VPS53: variants seen among roughly 807,000 people sequenced by gnomAD.
VPS53 encodes the protein vacuolar protein sorting-associated protein 53 homolog.
A neutral mutation model predicts 107.0 loss-of-function variants in VPS53; 70 were observed. The observed-to-expected ratio is 0.65, with a 90% confidence interval of 0.54 to 0.80. The LOEUF (loss-of-function observed/expected upper bound fraction) is 0.80. VPS53 is among the 30% of genes least tolerant of loss of function. The probability of loss-of-function intolerance (pLI) is 0.00; values close to 1 mark genes in which losing one functional copy is unlikely to be tolerated. For missense variants in VPS53, 917 were observed against 1,049.4 expected (o/e 0.87, Z 1.74); for synonymous variants, 409 against 393.3 (o/e 1.04, Z -0.47).
intron 11 of VPS53, among the ~76,000 whole-genome samples, chr17:623,065 C>A (rs1217494767): frequency 6.6e-6 from 1 of 152,096 alleles, no homozygotes; most frequent in African/African-American, 2.4e-5. Context: ...ACCGGCAGTA[C>A]TATGTTCCAC....
At chr17:635,882 C>T (rs2143235953) in intron 7 of VPS53, among the ~76,000 whole-genome samples, 1 of 152,160 alleles carries the variant, frequency 6.6e-6, no homozygotes, top group African/African-American at 2.4e-5. Context: ...CAATGCGGGA[C>T]CTTTTTTGGT....
At chr17:609,880 A>G (rs1483848332) in intron 11 of VPS53, among the ~76,000 whole-genome samples, 1 of 152,148 alleles carries the variant, frequency 6.6e-6, no homozygotes, top group Non-Finnish European at 1.5e-5. Flanking sequence ...CTGTAATCCC[A>G]GCACTTTGGG....
intron 7 of VPS53, among the ~76,000 whole-genome samples, chr17:633,112 G>C (rs1970029681): frequency 1.3e-5 from 2 of 152,182 alleles, no homozygotes; most frequent in Admixed American, 6.5e-5. Context: ...TGAATGCAAG[G>C]GCAGAAAGGA....
chr17:573,564 T>C (rs1914357339), intron 13 of VPS53, among the ~76,000 whole-genome samples: 1 of 152,112 alleles, frequency 6.6e-6, no homozygotes, highest in African/African-American at 2.4e-5. Context: ...ATAGGAGTCC[T>C]GAAAAAGATG....
Position 562,672 on chromosome 17 carries a change from C to A in VPS53, c.1387G>T (p.Glu463Ter). ...CAGCTGGGGAGCACGGCACCCCCTT[C>A]ATCAGTGTTGGGCTTAGGTGGCCCC... is the stretch of plus-strand genomic sequence containing the variant. ...AQGPPKPNTDEGGAVLPSCAD... is the reference protein window; with the variant it reads ...AQGPPKPNTD Residue 463 changes from glutamate (E) to a stop codon, truncating the protein, a stop_gained, in exon 14 of 22, where the codon GAA becomes TAA. Coordinates refer to ENST00000437048, the MANE Select transcript of VPS53 (RefSeq NM_001128159.3). LOFTEE classifies it high-confidence loss of function. The A allele has an allele frequency of 6.2e-7, 1 of 1,613,862 alleles. No individual in the cohort carries two copies. Among genetic ancestry groups the A allele is most frequent in the Non-Finnish European group, 8.5e-7 (1 of 1,179,994 alleles).
At chr17:551,249 T>C (rs568639716) in intron 17 of VPS53, among the ~76,000 whole-genome samples, 1 of 151,988 alleles carries the variant, frequency 6.6e-6, no homozygotes, top group Non-Finnish European at 1.5e-5. Flanking sequence ...GAGAGGAACA[T>C]GAGGTAGCGC....
chr17:553,574 C>CTT (rs35437010), intron 15 of VPS53, 112 bp from the exon 16 acceptor site: 4,159 of 547,876 alleles, frequency 7.6e-3, no homozygotes, highest in East Asian at 9.7e-3. Flanking sequence ...ATTCCATACA[C>CTT]TTTTTTTTTT....
chr17:510,470 C>T lies in VPS53; in HGVS notation c.*8658G>A. Reference sequence around the variant, plus strand: ...AGTCCCATATGAAATCCTGGCTGACCCCTTACTAGTCACATATTGAATCCT... The same window carrying T: ...AGTCCCATATGAAATCCTGGCTGACTCCTTACTAGTCACATATTGAATCCT... On this transcript the variant is annotated 3_prime_UTR_variant, in exon 22 of 22. Coordinates refer to ENST00000437048, the MANE Select transcript of VPS53 (RefSeq NM_001128159.3). 5.9e-6 allele frequency: 1 copy of T among 170,140 alleles called. No homozygotes were observed. Among genetic ancestry groups the T allele is most frequent in the Non-Finnish European group, 1.3e-5 (1 of 78,296 alleles). The allele number at this position is 170,140 out of a possible 1,614,324, so 10.5% of individuals were successfully genotyped here. A position where few individuals can be genotyped will look rare whatever the true frequency, so the allele number is the denominator to read the frequency against.
At chr17:642,818 G>C (rs200742586) in intron 7 of VPS53, among the ~76,000 whole-genome samples, 38 of 125,454 alleles carry the variant, frequency 3.0e-4, no homozygotes, top group African/African-American at 6.9e-4. Flanking sequence ...TACTTGGAAA[G>C]CGAGGACAAC....
chr17:566,700 A>G (rs1913546766), intron 13 of VPS53, among the ~76,000 whole-genome samples: 1 of 151,546 alleles, frequency 6.6e-6, no homozygotes, highest in African/African-American at 2.4e-5. Flanking sequence ...CAAATCAGGG[A>G]CCAGAGCTCT....
At chr17:702,891 T>C (rs1323515688) in intron 2 of VPS53, among the ~76,000 whole-genome samples, 2 of 151,804 alleles carry the variant, frequency 1.3e-5, no homozygotes, top group Non-Finnish European at 2.9e-5. Flanking sequence ...TTTTCTCCTC[T>C]TCAACGTTAA....
At chr17:629,720 A>G (rs938542642) in intron 8 of VPS53, among the ~76,000 whole-genome samples, 6 of 151,742 alleles carry the variant, frequency 4.0e-5, no homozygotes, top group Middle Eastern at 6.8e-3. Context: ...CCGAGATCGC[A>G]CCACGACACT....
intron 2 of VPS53, among the ~76,000 whole-genome samples, chr17:705,178 G>A (rs1000427397): frequency 1.3e-5 from 2 of 152,052 alleles, no homozygotes; most frequent in Admixed American, 6.6e-5. Context: ...GCCCACTCCA[G>A]CCCTACCTGC....
intron 2 of VPS53, among the ~76,000 whole-genome samples, chr17:701,723 T>C (rs916844429): frequency 3.3e-5 from 5 of 151,994 alleles, no homozygotes; most frequent in South Asian, 2.1e-4. Context: ...AGTATTTTTA[T>C]AATATCAAAT....
intron 11 of VPS53, among the ~76,000 whole-genome samples, chr17:613,583 A>G (rs1331847173): frequency 5.8e-4 from 87 of 149,112 alleles, no homozygotes; most frequent in Non-Finnish European, 8.3e-4. Context: ...CAAATAGTGA[A>G]TTCACACAGT....
Position 518,960 on chromosome 17 carries a change from G to T in VPS53, c.*168C>A. 1.4e-6 allele frequency: 1 copy of T among 709,236 alleles called. No individual in the cohort carries two copies. The highest frequency in any genetic ancestry group is 2.4e-5 in the South Asian group (1 of 41,248). 43.9% of individuals were successfully genotyped at this position (709,236 alleles called of 1,614,324 possible). A position where few individuals can be genotyped will look rare whatever the true frequency, so the allele number is the denominator to read the frequency against. ...GCCCTTACTCAGCGTCTCCGATTAG[G>T]GCAGGAAGTAAGACAGGGCATGGGA... On this transcript the variant is annotated 3_prime_UTR_variant, in exon 22 of 22. Coordinates refer to ENST00000437048, the MANE Select transcript of VPS53 (RefSeq NM_001128159.3).
intron 5 of VPS53, chr17:656,901 C>A: frequency 6.6e-7 from 1 of 1,508,542 alleles, no homozygotes; most frequent in Non-Finnish European, 9.2e-7. Flanking sequence ...TTGCCCTTGC[C>A]AATAGTGAAA....
intron 4 of VPS53, among the ~76,000 whole-genome samples, chr17:688,667 C>T (rs1451012745): frequency 6.6e-6 from 1 of 152,174 alleles, no homozygotes; most frequent in Non-Finnish European, 1.5e-5. Context: ...ACCAGTAGCA[C>T]TCTAGAAGCA....
At chr17:593,283 GGC>G (rs1967771564) in intron 12 of VPS53, among the ~76,000 whole-genome samples, 1 of 151,988 alleles carries the variant, frequency 6.6e-6, no homozygotes, top group Non-Finnish European at 1.5e-5. Flanking sequence ...CAAAAGCAAT[GGC>G]AACAAAAGAC....
Sources: allele counts gnomAD v4.1 joint callset (sites outside exome capture counted in the v4.1 genomes callset), GRCh38; gene constraint gnomAD v4.1.1; transcripts MANE v1.5; gene names NCBI Gene and HGNC (gene_info 2026-07-23, HGNC 2026-07-21).